HDAC9: variants seen among roughly 807,000 people sequenced by gnomAD.
HDAC9 encodes the protein MEF-2 interacting transcription repressor (MITR) protein.
A neutral mutation model predicts 139.4 loss-of-function variants in HDAC9; 41 were observed. The ratio of observed to expected loss-of-function variants is 0.29; its 90% CI spans 0.23 to 0.38. HDAC9 has a LOEUF of 0.38. HDAC9 is among the 10% of genes least tolerant of loss of function. The pLI, the probability that HDAC9 is intolerant of heterozygous loss-of-function variation, is 1.00. For missense variants in HDAC9, 1,147 were observed against 1,297.0 expected, an observed-to-expected ratio of 0.88 and a Z score of 1.78; for synonymous variants, 517 against 476.2, an observed-to-expected ratio of 1.09 and a Z score of -1.12.
intron 6 of HDAC9, among the ~76,000 whole-genome samples, chr7:18,619,121 G>A (rs868646006): frequency 5.9e-5 from 9 of 152,006 alleles, no homozygotes; most frequent in South Asian, 2.1e-4. Flanking sequence ...AGCATATGAA[G>A]GCATTCTGGC....
chr7:18,181,953 G>A (rs955906721), intron 2 of HDAC9, among the ~76,000 whole-genome samples: 8 of 152,268 alleles, frequency 5.3e-5, no homozygotes, highest in Non-Finnish European at 1.2e-4. Context: ...CTGGCTCAAG[G>A]GAAATTTGAA....
At chr7:18,613,354 A>C (rs1837691587) in intron 6 of HDAC9, among the ~76,000 whole-genome samples, 1 of 151,946 alleles carries the variant, frequency 6.6e-6, no homozygotes, top group Non-Finnish European at 1.5e-5. Flanking sequence ...GAGGCGAGCA[A>C]ATTTTTACTC....
chr7:18,943,602 T>G (rs1782169465), intron 23 of HDAC9, among the ~76,000 whole-genome samples: 1 of 152,092 alleles, frequency 6.6e-6, no homozygotes, highest in South Asian at 2.1e-4. Context: ...GCTGATGTAT[T>G]GTTTAACCTA....
At chr7:18,285,825 C>G (rs1797411696), upstream of HDAC9, among the ~76,000 whole-genome samples, 7 of 151,958 alleles carry the variant, frequency 4.6e-5, no homozygotes, top group Admixed American at 2.6e-4. Context: ...TGTCAATAAG[C>G]AAAATCTTGG....
At chr7:18,100,688 T>C (rs936261920) in intron 1 of HDAC9, among the ~76,000 whole-genome samples, 2 of 152,198 alleles carry the variant, frequency 1.3e-5, no homozygotes, top group African/African-American at 4.8e-5. Context: ...TTAATGACCT[T>C]GTTTGCAAAT....
chr7:18,497,670 G>T (rs1378814345), intron 2 of HDAC9, among the ~76,000 whole-genome samples: 1 of 152,080 alleles, frequency 6.6e-6, no homozygotes, highest in Non-Finnish European at 1.5e-5. Flanking sequence ...GGGTTTAACA[G>T]GTATGTCTCT....
chr7:18,497,112 C>T (rs1797145779), intron 2 of HDAC9, among the ~76,000 whole-genome samples: 1 of 152,144 alleles, frequency 6.6e-6, no homozygotes, highest in South Asian at 2.1e-4. Context: ...TGAACATACT[C>T]TCCAGGCAGT....
intron 22 of HDAC9, among the ~76,000 whole-genome samples, chr7:18,878,496 G>A: frequency 6.6e-6 from 1 of 151,850 alleles, no homozygotes; most frequent in East Asian, 1.9e-4. Context: ...AATATACAAG[G>A]GTTATTTTGA....
intron 1 of HDAC9, among the ~76,000 whole-genome samples, chr7:18,317,488 G>C (rs978920351): frequency 1.3e-5 from 2 of 152,140 alleles, no homozygotes; most frequent in African/African-American, 4.8e-5. Context: ...ACGGACTTTT[G>C]AAAATATAGG....
chr7:18,327,815 A>G (rs1050608587), intron 1 of HDAC9: 3 of 151,944 alleles, frequency 2.0e-5, no homozygotes, highest in Non-Finnish European at 2.9e-5. Flanking sequence ...TTTTAATTAC[A>G]TAACAATTTT....
chr7:18,356,371 T>TTTTTG (rs1783297369), intron 1 of HDAC9, among the ~76,000 whole-genome samples: 2 of 143,844 alleles, frequency 1.4e-5, no homozygotes, highest in East Asian at 2.0e-4. Context: ...TTTTTTTTTT[T>TTTTTG]TTTTTTTTTT....
chr7:18,698,501 C>A (rs1783218633), intron 12 of HDAC9, among the ~76,000 whole-genome samples: 1 of 152,216 alleles, frequency 6.6e-6, no homozygotes, highest in South Asian at 2.1e-4. Context: ...TAGCTTGCCA[C>A]ACTTTGCTGA....
At chr7:18,462,809 C>A (rs998671015) in intron 1 of HDAC9, among the ~76,000 whole-genome samples, 11 of 151,858 alleles carry the variant, frequency 7.2e-5, no homozygotes, top group African/African-American at 2.4e-4. Flanking sequence ...TTAGGTGTGT[C>A]CAGTTTTGAT....
intron 24 of HDAC9, among the ~76,000 whole-genome samples, chr7:18,964,720 T>G (rs1448398980): frequency 1.3e-5 from 2 of 151,892 alleles, no homozygotes; most frequent in African/African-American, 4.8e-5. Flanking sequence ...AGAGAGCAAA[T>G]GTGTGAAGGA....
In HDAC9 at chr7:18,541,722, T is replaced by C. The variant is rs959017833; in HGVS notation, c.23-43559T>C. ...GCCCTCTCTAAATGAATTATGTGTT[T>C]AAATGTTCAGATTTTATAGTCTATT... On this transcript the variant is annotated intron_variant, in intron 2 of 25. Transcript: ENST00000686413. Among the ~76,000 whole-genome samples the C allele has an allele frequency of 2.6e-5, 4 of 152,224 alleles. No homozygotes were observed. In the East Asian group the frequency reaches 7.7e-4, roughly 29 times the overall value.
chr7:18,303,930 G>T (rs1798742555), intron 1 of HDAC9, among the ~76,000 whole-genome samples: 2 of 152,186 alleles, frequency 1.3e-5, no homozygotes, highest in Admixed American at 6.5e-5. Context: ...GGTTGCTGAG[G>T]TCCTGCCAAC....
intron 1 of HDAC9, among the ~76,000 whole-genome samples, chr7:18,361,920 T>G (rs1783814136): frequency 6.6e-6 from 1 of 152,190 alleles, no homozygotes; most frequent in African/African-American, 2.4e-5. Context: ...TGTTCCTTAT[T>G]TCTTCCCTTC....
chr7:18,786,319 C>A (rs923735183), intron 16 of HDAC9, among the ~76,000 whole-genome samples: 1 of 152,112 alleles, frequency 6.6e-6, no homozygotes, highest in Non-Finnish European at 1.5e-5. Flanking sequence ...CTGGCCCTAA[C>A]TCTTTATCCT....
intron 1 of HDAC9, among the ~76,000 whole-genome samples, chr7:18,107,791 C>A (rs1367040339): frequency 4.6e-5 from 7 of 152,152 alleles, no homozygotes; most frequent in Non-Finnish European, 1.0e-4. Context: ...CCATTTTGGA[C>A]TTGCTCATTA....
Sources: gnomAD v4.1 joint callset for allele counts (sites outside exome capture counted in the v4.1 genomes callset) on GRCh38, gnomAD v4.1.1 for gene constraint, MANE v1.5 for transcripts, NCBI Gene and HGNC (gene_info 2026-07-23, HGNC 2026-07-21) for gene names.